RBFOX3: variants seen among roughly 807,000 people sequenced by gnomAD.
RBFOX3 encodes the protein RNA binding protein fox-1 homolog 3.
Under a neutral mutation model 48.7 loss-of-function variants are expected in RBFOX3, and 17 were observed. The observed-to-expected ratio is 0.35, with a 90% CI of 0.24 to 0.52. RBFOX3 has a LOEUF of 0.52. RBFOX3 is among the 20% of genes least tolerant of loss of function. The pLI is 0.94. For missense variants in RBFOX3, 382 were observed against 497.5 expected (o/e 0.77, Z 2.21); for synonymous variants, 212 against 209.5 (o/e 1.01, Z -0.10).
chr17:79,355,855 A>T (rs1195743422), intron 2 of RBFOX3, among the ~76,000 whole-genome samples: 2 of 152,222 alleles, frequency 1.3e-5, no homozygotes, highest in Non-Finnish European at 2.9e-5. Flanking sequence ...TGCTAGAATT[A>T]CAGACGTGAA....
chr17:79,495,097 A>C (rs1309377045), intron 1 of RBFOX3, among the ~76,000 whole-genome samples: 2 of 151,978 alleles, frequency 1.3e-5, no homozygotes, highest in South Asian at 2.1e-4. Flanking sequence ...GTGCCCCGTT[A>C]AGGGTCGAAG....
chr17:79,579,865 G>A (rs1288273813), intron 1 of RBFOX3, among the ~76,000 whole-genome samples: 9 of 103,498 alleles, frequency 8.7e-5, no homozygotes, highest in Non-Finnish European at 1.6e-4. Flanking sequence ...GGTCACTGGC[G>A]CTGTGGTGGG....
At chr17:79,612,476 C>A (rs1488928379), upstream of RBFOX3, among the ~76,000 whole-genome samples, 2 of 152,060 alleles carry the variant, frequency 1.3e-5, no homozygotes, top group Admixed American at 6.5e-5. Context: ...TGCTGGCTGC[C>A]CCCCCTGCAG....
At chr17:79,148,064 A>G (rs1239652558) in intron 4 of RBFOX3, among the ~76,000 whole-genome samples, 1 of 152,126 alleles carries the variant, frequency 6.6e-6, no homozygotes, top group Non-Finnish European at 1.5e-5. Flanking sequence ...TGTGACCAAG[A>G]TTTCCTCACC....
intron 2 of RBFOX3, among the ~76,000 whole-genome samples, chr17:79,380,843 T>C (rs2059819145): frequency 6.6e-6 from 1 of 151,468 alleles, no homozygotes; most frequent in African/African-American, 2.4e-5. Context: ...AGCACTTCCG[T>C]ATTTGGACGT....
chr17:79,379,740 C>T (rs2059654345), intron 2 of RBFOX3, among the ~76,000 whole-genome samples: 1 of 152,158 alleles, frequency 6.6e-6, no homozygotes, highest in South Asian at 2.1e-4. Flanking sequence ...CCGAAGATGG[C>T]TTCCCTCACA....
intron 4 of RBFOX3, among the ~76,000 whole-genome samples, chr17:79,145,139 G>A (rs549345240): frequency 6.6e-6 from 1 of 152,282 alleles, no homozygotes; most frequent in Non-Finnish European, 1.5e-5. Flanking sequence ...CAGAAAAACA[G>A]CTCAGGAAGC....
intron 2 of RBFOX3, among the ~76,000 whole-genome samples, chr17:79,320,852 C>T (rs1024624344): frequency 5.9e-5 from 9 of 152,168 alleles, no homozygotes; most frequent in African/African-American, 2.2e-4. Context: ...AATCAGAGTC[C>T]GTCTGTCACC....
rs1396927467 is a variant in RBFOX3 at position 79,473,377 on chromosome 17, G to A, written c.-175+9077C>T. Among the ~76,000 whole-genome samples, 3 of 152,322 alleles carry A rather than the reference G, an allele frequency of 2.0e-5. No individual in the cohort carries two copies. Among genetic ancestry groups the A allele is most frequent in the South Asian group, 2.1e-4 (1 of 4,828 alleles). Reference sequence around the variant, plus strand: ...GCAGCTCAGCTTCCTCACAGAGCCCGAGTTGGAACTGTTGTGAGGATTCAC... The same window carrying A: ...GCAGCTCAGCTTCCTCACAGAGCCCAAGTTGGAACTGTTGTGAGGATTCAC... On this transcript the variant is annotated intron_variant, in intron 2 of 14. Transcript: ENST00000693108. The surrounding 1 kb of genome is among the most constrained non-coding windows in gnomAD (Gnocchi z 4.2).
the RBFOX3 span, among the ~76,000 whole-genome samples, chr17:79,647,060 C>CGTGTGTGTGTGTGT: frequency 1.3e-5 from 2 of 149,562 alleles, no homozygotes; most frequent in African/African-American, 2.5e-5. Flanking sequence ...TTTTCACTGC[C>CGTGTGTGTGTGTGT]GTGTGTGTGT....
intron 4 of RBFOX3, among the ~76,000 whole-genome samples, chr17:79,145,630 A>G (rs11077413): frequency 0.21 from 31,693 of 152,168 alleles, 3,822 homozygotes; most frequent in South Asian, 0.39. Context: ...CTGGCCCCGC[A>G]TGTGGTGGCA....
At chr17:79,279,524 T>C (rs1418334529) in intron 3 of RBFOX3, among the ~76,000 whole-genome samples, 3 of 152,168 alleles carry the variant, frequency 2.0e-5, no homozygotes, top group African/African-American at 7.2e-5. Context: ...ACGTGGCAGA[T>C]GCTGGGTGAC....
At chr17:79,446,828 G>A (rs1055889530) in intron 2 of RBFOX3, among the ~76,000 whole-genome samples, 1 of 125,022 alleles carries the variant, frequency 8.0e-6, no homozygotes, top group African/African-American at 2.5e-5. Context: ...GCTCTGCAGG[G>A]GCAGTCACGG....
Position 79,353,402 on chromosome 17 carries a change from C to T in RBFOX3, c.-174-45578G>A, listed in dbSNP as rs570558141. Among the ~76,000 whole-genome samples the T allele has an allele frequency of 2.2e-4, 33 of 152,320 alleles. 1 individual carries two copies. In the South Asian group the frequency reaches 6.8e-3, roughly 32 times the overall value. ...AGCACACTTGCATGCTCCTCCTCCT[C>T]CCTGCCACTCACTAGGTGCCCAACC... On this transcript the variant is annotated intron_variant, in intron 2 of 14. Coordinates refer to ENST00000693108, the MANE Select transcript of RBFOX3 (RefSeq NM_001350451.2).
chr17:79,110,536 T>C (rs2030808344), intron 5 of RBFOX3, among the ~76,000 whole-genome samples: 1 of 152,190 alleles, frequency 6.6e-6, no homozygotes, highest in South Asian at 2.1e-4. Flanking sequence ...TTTTTGGAAA[T>C]CCCTTCCTCG....
intron 2 of RBFOX3, among the ~76,000 whole-genome samples, chr17:79,375,882 G>A (rs556068005): frequency 3.9e-5 from 6 of 152,292 alleles, no homozygotes; most frequent in South Asian, 2.1e-4. Context: ...GTGTGGCCTC[G>A]GGCAAGTTAT....
chr17:79,413,813 TGGCTGCCACAGGGCAGGC>T (rs2064872043), intron 2 of RBFOX3, among the ~76,000 whole-genome samples: 1 of 152,226 alleles, frequency 6.6e-6, no homozygotes, highest in Non-Finnish European at 1.5e-5. Flanking sequence ...CCATGTGCAC[TGGCTGCCACAGGGCAGGC>T]GGCTGCCATC....
intron 2 of RBFOX3, among the ~76,000 whole-genome samples, chr17:79,367,906 G>A (rs182414601): frequency 3.3e-5 from 5 of 152,308 alleles, no homozygotes; most frequent in East Asian, 3.9e-4. Flanking sequence ...TCCTGCCTCC[G>A]AATGTCTGGG....
At chr17:79,464,900 G>A (rs543154900) in intron 2 of RBFOX3, among the ~76,000 whole-genome samples, 4 of 152,340 alleles carry the variant, frequency 2.6e-5, no homozygotes, top group African/African-American at 9.6e-5. Flanking sequence ...CAGTGAAGTC[G>A]GATGGTCACT....
Sources: allele counts gnomAD v4.1 joint callset (sites outside exome capture counted in the v4.1 genomes callset), GRCh38; gene constraint gnomAD v4.1.1; non-coding constraint Gnocchi (gnomAD v3.1); transcripts MANE v1.5; gene names NCBI Gene and HGNC (gene_info 2026-07-23, HGNC 2026-07-21).